IST1: variants seen among roughly 807,000 people sequenced by gnomAD.
The protein encoded by IST1 is IST1 factor associated with ESCRT-III.
IST1 carries 23 observed loss-of-function variants against 37.0 expected under a neutral mutation model. The ratio of observed to expected loss-of-function variants is 0.62; its 90% CI spans 0.45 to 0.88. The LOEUF is 0.88. Ranked by LOEUF, IST1 falls within the 40% of genes least tolerant of loss-of-function variation. The probability of loss-of-function intolerance (pLI) is 0.00; values close to 1 mark genes in which losing one functional copy is unlikely to be tolerated. For missense variants in IST1, 488 were observed against 445.4 expected (o/e 1.10, Z -0.86); for synonymous variants, 180 against 161.7 (o/e 1.11, Z -0.86).
At chr16:71,921,033 C>T in intron 5 of IST1, 1 of 622,904 alleles carries the variant, frequency 1.6e-6, no homozygotes, top group Non-Finnish European at 2.9e-6. Context: ...ACTCCACTTC[C>T]CCACTTTGTA....
chr16:71,921,215 T>G, intron 5 of IST1, 128 bp from the exon 6 acceptor site: 1 of 645,094 alleles, frequency 1.6e-6, no homozygotes. Context: ...AAAAATCATT[T>G]AACTGCTCTG....
intron 1 of IST1, among the ~76,000 whole-genome samples, chr16:71,902,019 A>G (rs1233829312): frequency 6.6e-6 from 1 of 152,250 alleles, no homozygotes. Flanking sequence ...CTTTAGATGA[A>G]GAGCTAAGAC....
rs369332446 is a variant in IST1, at chr16:71,907,438, C to T, written c.-15-8188C>T. Among the ~76,000 whole-genome samples the T allele has an allele frequency of 1.8e-4, 28 of 151,894 alleles. 1 individual carries two copies. The highest frequency in any genetic ancestry group is 9.8e-4 in the Admixed American group (15 of 15,250). The stretch of plus-strand genomic sequence containing the variant: ...GACTATAGGCACCCGCCACCACGCC[C>T]GGCTAATTTTTTGCATTTTTAGTAG... On this transcript the variant is annotated intron_variant, in intron 1 of 9. Transcript: ENST00000378799.
At chr16:71,917,389 T>C (rs1350901415) in intron 4 of IST1, among the ~76,000 whole-genome samples, 1 of 152,278 alleles carries the variant, frequency 6.6e-6, no homozygotes, top group Admixed American at 6.5e-5. Flanking sequence ...TATTTAACTC[T>C]ATGCAAATAG....
chr16:71,901,358 C>G (rs563144611), intron 1 of IST1, among the ~76,000 whole-genome samples: 3 of 152,182 alleles, frequency 2.0e-5, no homozygotes, highest in African/African-American at 7.2e-5. Context: ...GGACTACAGG[C>G]ACCCATCACC....
At chr16:71,902,104 A>G (rs1056370563) in intron 1 of IST1, among the ~76,000 whole-genome samples, 1 of 152,222 alleles carries the variant, frequency 6.6e-6, no homozygotes, top group African/African-American at 2.4e-5. Flanking sequence ...TACATATAAC[A>G]CAATGTGCTA....
intron 9 of IST1, among the ~76,000 whole-genome samples, chr16:71,927,265 G>C (rs1006399335): frequency 1.3e-5 from 2 of 152,146 alleles, no homozygotes; most frequent in African/African-American, 4.8e-5. Context: ...TTGGGAGGCT[G>C]AGGTGTGTGG....
intron 4 of IST1, among the ~76,000 whole-genome samples, chr16:71,919,847 G>T (rs942595498): frequency 6.6e-6 from 1 of 152,244 alleles, no homozygotes; most frequent in Non-Finnish European, 1.5e-5. Flanking sequence ...ACCTTTATCT[G>T]TGTGATTATT....
Position 71,929,402 on chromosome 16 carries a change from G to C in IST1, c.*1589G>C, listed in dbSNP as rs2037836128. The C allele has an allele frequency of 3.5e-6, 3 of 865,408 alleles. No homozygotes were observed. The highest frequency in any genetic ancestry group is 6.6e-5 in the Admixed American group (2 of 30,260). 53.6% of individuals were successfully genotyped at this position (865,408 alleles called of 1,614,324 possible). A position where few individuals can be genotyped will look rare whatever the true frequency, so the allele number is the denominator to read the frequency against. On this transcript the variant is annotated 3_prime_UTR_variant, in exon 10 of 10. Transcript: ENST00000378799. ...ATCTTGACAGTGCCAAGATCCATAA[G>C]AACTTGGGACCAAGGGGATTTTGAT...
chr16:71,900,245 T>C (rs968979343), intron 1 of IST1, among the ~76,000 whole-genome samples: 4 of 151,496 alleles, frequency 2.6e-5, no homozygotes, highest in African/African-American at 9.7e-5. Context: ...GGAGTGTCTG[T>C]AGCCAGTCTT....
chr16:71,906,201 C>T (rs766265967), intron 1 of IST1, among the ~76,000 whole-genome samples: 4 of 151,480 alleles, frequency 2.6e-5, no homozygotes, highest in Non-Finnish European at 5.9e-5. Context: ...GACGGGGTTT[C>T]GCTGTGTTAG....
chr16:71,922,437 CATGGGTTAAT>C (rs1329200565), intron 6 of IST1, 27 bp from the exon 7 acceptor site: 48 of 1,573,908 alleles, frequency 3.0e-5, no homozygotes, highest in Non-Finnish European at 4.0e-5. Context: ...TGGCCTTGGA[CATGGGTTAAT>C]GACCTGGGTT....
At chr16:71,911,557 A>G (rs1024297511) in intron 1 of IST1, among the ~76,000 whole-genome samples, 4 of 152,150 alleles carry the variant, frequency 2.6e-5, no homozygotes, top group Admixed American at 2.6e-4. Flanking sequence ...ACCAAAAAAC[A>G]AAACAAAACT....
chr16:71,906,729 T>C (rs2037232270), intron 1 of IST1, among the ~76,000 whole-genome samples: 1 of 152,216 alleles, frequency 6.6e-6, no homozygotes, highest in African/African-American at 2.4e-5. Context: ...AATTTTAAGT[T>C]GACAGTTCTT....
At chr16:71,924,200 G>C (rs747932908) in intron 8 of IST1, 4 of 455,864 alleles carry the variant, frequency 8.8e-6, no homozygotes, top group Non-Finnish European at 1.8e-5. Context: ...ATCAGTATTT[G>C]AGGACTTGGT....
intron 1 of IST1, among the ~76,000 whole-genome samples, chr16:71,896,642 T>A (rs2036978520): frequency 6.6e-6 from 1 of 152,192 alleles, no homozygotes; most frequent in South Asian, 2.1e-4. Context: ...GGAAATTTGC[T>A]TCCTCAGAAC....
intron 1 of IST1, among the ~76,000 whole-genome samples, chr16:71,898,304 G>A (rs1383801789): frequency 3.3e-5 from 5 of 149,984 alleles, no homozygotes; most frequent in Non-Finnish European, 7.4e-5. Context: ...TTGAACCTGG[G>A]AGGTGGAGGT....
intron 4 of IST1, among the ~76,000 whole-genome samples, chr16:71,917,838 A>G (rs963753192): frequency 7.2e-5 from 11 of 151,786 alleles, no homozygotes; most frequent in African/African-American, 2.7e-4. Flanking sequence ...AATTTTTTCT[A>G]AGTCTCTGAG....
At chr16:71,902,016 T>G (rs1274919849) in intron 1 of IST1, among the ~76,000 whole-genome samples, 1 of 152,236 alleles carries the variant, frequency 6.6e-6, no homozygotes, top group Non-Finnish European at 1.5e-5. Flanking sequence ...AATCTTTAGA[T>G]GAAGAGCTAA....
Sources: allele counts gnomAD v4.1 joint callset (sites outside exome capture counted in the v4.1 genomes callset), GRCh38; gene constraint gnomAD v4.1.1; transcripts MANE v1.5; gene names NCBI Gene and HGNC (gene_info 2026-07-23, HGNC 2026-07-21).